ZNF385D: variants seen among roughly 807,000 people sequenced by gnomAD.
The protein encoded by ZNF385D is zinc finger protein 659.
A neutral mutation model predicts 35.8 loss-of-function variants in ZNF385D; 15 were observed. That is an observed-to-expected ratio of 0.42 (90% confidence interval 0.28 to 0.64). ZNF385D has a LOEUF of 0.64. Among genes scored for constraint, ZNF385D ranks in the 30% least tolerant of loss-of-function variants. ZNF385D has a pLI of 0.23. For synonymous variants in ZNF385D, 212 were observed against 186.8 expected (o/e 1.13, Z -1.10); for missense variants, 474 against 494.6 (o/e 0.96, Z 0.39).
intron 3 of ZNF385D, among the ~76,000 whole-genome samples, chr3:21,964,486 T>C (rs374176040): frequency 6.1e-4 from 59 of 96,660 alleles, no homozygotes; most frequent in South Asian, 4.1e-3. Context: ...TTTTTTTTTT[T>C]TTTTTTTTTT....
chr3:22,087,887 T>A (rs1018831400), intron 3 of ZNF385D, among the ~76,000 whole-genome samples: 4 of 152,206 alleles, frequency 2.6e-5, no homozygotes, highest in Non-Finnish European at 5.9e-5. Flanking sequence ...AGTTTTGAAC[T>A]ATATTAATGA....
chr3:22,102,118 C>T (rs1028453149), intron 3 of ZNF385D, among the ~76,000 whole-genome samples: 1 of 151,780 alleles, frequency 6.6e-6, no homozygotes, highest in African/African-American at 2.4e-5. Flanking sequence ...ACTCAAAATG[C>T]CCTTGGATTG....
intron 2 of ZNF385D, among the ~76,000 whole-genome samples, chr3:22,206,605 G>C (rs151335155): frequency 5.7e-4 from 87 of 151,852 alleles, no homozygotes; most frequent in African/African-American, 2.0e-3. Flanking sequence ...AATAAAACTA[G>C]AAATCAATAG....
intron 3 of ZNF385D, among the ~76,000 whole-genome samples, chr3:21,847,603 G>T (rs1169283872): frequency 6.6e-6 from 1 of 151,960 alleles, no homozygotes; most frequent in African/African-American, 2.4e-5. Context: ...TATTTTTGCA[G>T]TTTCCTCTCC....
chr3:21,947,692 C>T (rs1263217030), intron 3 of ZNF385D, among the ~76,000 whole-genome samples: 2 of 152,068 alleles, frequency 1.3e-5, no homozygotes, highest in South Asian at 2.1e-4. Flanking sequence ...CTATTTTTTG[C>T]GTGTAATATC....
intron 3 of ZNF385D, among the ~76,000 whole-genome samples, chr3:22,099,845 G>C (rs1030361915): frequency 6.6e-6 from 1 of 152,032 alleles, no homozygotes; most frequent in Admixed American, 6.6e-5. Context: ...AGAATGAACA[G>C]ATTGGAGCCT....
chr3:22,317,281 A>AG lies in ZNF385D; in HGVS notation c.106+55168_106+55169insC, dbSNP rs1491294902. Among the ~76,000 whole-genome samples the AG allele has an allele frequency of 1.7e-3, 31 of 18,516 alleles. No homozygotes were observed. The East Asian group carries it at 0.032, about 19-fold the overall frequency. 12.1% of individuals were successfully genotyped at this position (18,516 alleles called of 152,430 possible). On this transcript the variant is annotated intron_variant, in intron 2 of 5. Coordinates refer to the ZNF385D transcript ENST00000494108. ...GAAACAAGAGTGAAACTCCATCTCC[A>AG]AAAAAAAAAAAAAAAAAAAAAAAAG... is the stretch of plus-strand genomic sequence containing the variant.
chr3:21,553,175 G>C (rs958877599), intron 3 of ZNF385D, among the ~76,000 whole-genome samples: 2 of 152,122 alleles, frequency 1.3e-5, no homozygotes, highest in African/African-American at 4.8e-5. Context: ...ACATAACCTT[G>C]CAGACAACCT....
chr3:21,703,158 T>C (rs1159567478), intron 1 of ZNF385D, among the ~76,000 whole-genome samples: 1 of 152,154 alleles, frequency 6.6e-6, no homozygotes, highest in Non-Finnish European at 1.5e-5. Context: ...ATTGGACTTA[T>C]GGTTCCACAT....
intron 2 of ZNF385D, among the ~76,000 whole-genome samples, chr3:21,585,026 G>A (rs899108314): frequency 2.0e-5 from 3 of 150,756 alleles, no homozygotes; most frequent in Non-Finnish European, 2.9e-5. Context: ...GAATCTTTGT[G>A]CCAGTTTGAA....
intron 2 of ZNF385D, 88 bp from the exon 3 acceptor site, chr3:21,564,772 T>C (rs569890981): frequency 5.9e-5 from 38 of 643,252 alleles, no homozygotes; most frequent in Non-Finnish European, 9.6e-5. Flanking sequence ...AGAACCAATC[T>C]GTACAGCTTC....
intron 4 of ZNF385D, 116 bp downstream of exon 4, chr3:21,510,745 G>T: frequency 7.7e-7 from 1 of 1,305,338 alleles, no homozygotes; most frequent in Non-Finnish European, 1.1e-6. Flanking sequence ...ACAGAAAGAT[G>T]GCTCAAGCAT....
chr3:22,105,116 G>T (rs568216842), intron 3 of ZNF385D, among the ~76,000 whole-genome samples: 1 of 152,044 alleles, frequency 6.6e-6, no homozygotes, highest in Non-Finnish European at 1.5e-5. Context: ...CACTTTTACA[G>T]TCTAATGTAC....
intron 3 of ZNF385D, among the ~76,000 whole-genome samples, chr3:22,122,687 T>C (rs929485869): frequency 8.5e-5 from 13 of 152,156 alleles, no homozygotes; most frequent in South Asian, 2.1e-4. Flanking sequence ...AGTATATATA[T>C]GGGGGAGGTA....
intron 3 of ZNF385D, among the ~76,000 whole-genome samples, chr3:22,153,772 A>AC (rs1273463451): frequency 1.3e-5 from 2 of 151,716 alleles, no homozygotes; most frequent in African/African-American, 4.8e-5. Flanking sequence ...TTAGCAACGG[A>AC]CTCTGCATTT....
chr3:22,245,866 C>G (rs1321551769), intron 2 of ZNF385D, among the ~76,000 whole-genome samples: 2 of 152,030 alleles, frequency 1.3e-5, no homozygotes, highest in East Asian at 3.9e-4. Flanking sequence ...ACATGAAGAA[C>G]CTCTCTAATC....
intron 3 of ZNF385D, among the ~76,000 whole-genome samples, chr3:21,816,263 C>G (rs1490364134): frequency 1.3e-5 from 2 of 152,112 alleles, no homozygotes; most frequent in Admixed American, 6.6e-5. Context: ...CCTTTGAAAA[C>G]TGGCACAAGA....
rs1394493306 is a variant in ZNF385D, at chr3:21,539,100, A to T, written c.276+25474T>A. Among the ~76,000 whole-genome samples, 3 of 152,014 alleles carry T rather than the reference A, an allele frequency of 2.0e-5. No homozygotes were observed. The highest frequency in any genetic ancestry group is 4.4e-5 in the Non-Finnish European group (3 of 68,018). On this transcript the variant is annotated intron_variant, in intron 3 of 7. Coordinates refer to ENST00000281523, the MANE Select transcript of ZNF385D (RefSeq NM_024697.3). The surrounding 1 kb of genome is among the most constrained non-coding windows in gnomAD (Gnocchi z 4.0). The stretch of plus-strand genomic sequence containing the variant: ...GGAACAAAGGGAGTGGGTGCAGCAA[A>T]ATATTCAAGTTAATTTTTAAACCTG...
intron 3 of ZNF385D, among the ~76,000 whole-genome samples, chr3:21,920,289 G>A (rs166316): frequency 6.6e-6 from 1 of 152,028 alleles, no homozygotes; most frequent in Non-Finnish European, 1.5e-5. Context: ...CCTGACAGAC[G>A]CAGTGCTTCA....
Sources: gnomAD v4.1 joint callset for allele counts (sites outside exome capture counted in the v4.1 genomes callset) on GRCh38, gnomAD v4.1.1 for gene constraint, Gnocchi (gnomAD v3.1) non-coding constraint, MANE v1.5 for transcripts, NCBI Gene and HGNC (gene_info 2026-07-23, HGNC 2026-07-21) for gene names.